Variants in MCC observed in about 807,000 individuals in gnomAD.
The protein encoded by MCC is MCC regulator of Wnt signaling pathway.
Under a neutral mutation model 116.2 loss-of-function variants are expected in MCC, and 90 were observed. The ratio of observed to expected loss-of-function variants is 0.77; its 90% confidence interval spans 0.65 to 0.92. MCC has a LOEUF of 0.92. Ranked by LOEUF, MCC falls within the 40% of genes least tolerant of loss-of-function variation. The pLI is 0.00. For synonymous variants in MCC, 578 were observed against 510.5 expected (o/e 1.13, Z -1.78); for missense variants, 1,516 against 1,312.2 (o/e 1.16, Z -2.40).
At chr5:113,063,924 T>C in intron 14 of MCC, 60 bp downstream of exon 14, 1 of 1,528,628 alleles carries the variant, frequency 6.5e-7, no homozygotes. Flanking sequence ...GCACACCAAG[T>C]CCAGTGAACA....
rs1292748419 is a variant in MCC, at chr5:113,413,751, T to G, written c.171-28539A>C. Among the ~76,000 whole-genome samples, 6 of 152,264 alleles carry G rather than the reference T, an allele frequency of 3.9e-5. No homozygotes were observed. The East Asian group carries it at 9.6e-4, about 24-fold the overall frequency. On this transcript the variant is annotated intron_variant, in intron 1 of 18. Coordinates refer to ENST00000408903, the MANE Select transcript of MCC (RefSeq NM_001085377.2). ...TTGGATTCACTGATTTTTGAAGGGT[T>G]TTTTTGTGTCTCTATCTCCTTCAGT...
intron 8 of MCC, among the ~76,000 whole-genome samples, chr5:113,096,629 A>T (rs1433437854): frequency 6.6e-6 from 1 of 152,206 alleles, no homozygotes; most frequent in Non-Finnish European, 1.5e-5. Flanking sequence ...GTCAACAGGC[A>T]GGGCGCAGAA....
intron 13 of MCC, among the ~76,000 whole-genome samples, chr5:113,066,191 A>G (rs960772831): frequency 1.3e-5 from 2 of 152,182 alleles, no homozygotes; most frequent in Non-Finnish European, 1.5e-5. Context: ...TCCTACACCA[A>G]ATAACTGCAC....
intron 1 of MCC, among the ~76,000 whole-genome samples, chr5:113,385,676 G>T (rs770895455): frequency 2.6e-5 from 4 of 152,192 alleles, no homozygotes; most frequent in Non-Finnish European, 5.9e-5. Flanking sequence ...CAGCTTTCTG[G>T]ACCAATCAGC....
At chr5:113,182,758 TC>T (rs1468678825) in intron 3 of MCC, among the ~76,000 whole-genome samples, 2 of 152,226 alleles carry the variant, frequency 1.3e-5, no homozygotes, top group African/African-American at 4.8e-5. Flanking sequence ...TTTATCTACT[TC>T]CGGTGCCTCG....
At chr5:113,068,413 A>C (rs763608786) in intron 12 of MCC, among the ~76,000 whole-genome samples, 7 of 152,202 alleles carry the variant, frequency 4.6e-5, no homozygotes, top group Non-Finnish European at 1.5e-5. Flanking sequence ...CAAGAGAAAC[A>C]ATAAAGGTGG....
chr5:113,385,696 T>C (rs1241778358), intron 1 of MCC, among the ~76,000 whole-genome samples: 1 of 152,204 alleles, frequency 6.6e-6, no homozygotes, highest in Admixed American at 6.6e-5. Context: ...CTAACTTTAG[T>C]ACTTGTTTAA....
intron 6 of MCC, among the ~76,000 whole-genome samples, chr5:113,121,430 T>G (rs186910458): frequency 6.6e-6 from 1 of 152,186 alleles, no homozygotes; most frequent in Non-Finnish European, 1.5e-5. Flanking sequence ...CACACCTCTG[T>G]GTCCTCCATC....
chr5:113,406,232 C>A (rs1769830584), intron 1 of MCC, among the ~76,000 whole-genome samples: 1 of 152,226 alleles, frequency 6.6e-6, no homozygotes, highest in Non-Finnish European at 1.5e-5. Context: ...AACAAATCTT[C>A]TTCTCTGTAA....
chr5:113,293,306 A>T (rs1234259482), intron 3 of MCC, among the ~76,000 whole-genome samples: 1 of 151,460 alleles, frequency 6.6e-6, no homozygotes, highest in Non-Finnish European at 1.5e-5. Context: ...GTCTGACATC[A>T]CCATTATCTG....
intron 3 of MCC, among the ~76,000 whole-genome samples, chr5:113,266,315 A>C (rs1046077832): frequency 6.6e-6 from 1 of 152,060 alleles, no homozygotes; most frequent in African/African-American, 2.4e-5. Flanking sequence ...AAAAATTCAG[A>C]CTAGATATTC....
At chr5:113,476,600 T>C (rs557201327) in intron 1 of MCC, among the ~76,000 whole-genome samples, 2 of 152,274 alleles carry the variant, frequency 1.3e-5, no homozygotes, top group East Asian at 3.9e-4. Flanking sequence ...GAAGAAAACA[T>C]TTAAATTATT....
intron 1 of MCC, among the ~76,000 whole-genome samples, chr5:113,416,969 C>CTTT (rs148628081): frequency 2.0e-4 from 25 of 122,512 alleles, no homozygotes; most frequent in African/African-American, 4.3e-4. Flanking sequence ...TGTGAATTGC[C>CTTT]TTTTTTTTTT....
intron 2 of MCC, among the ~76,000 whole-genome samples, chr5:113,347,087 G>C (rs1222187562): frequency 6.6e-6 from 1 of 152,110 alleles, no homozygotes; most frequent in African/African-American, 2.4e-5. Flanking sequence ...AAATGCTAAA[G>C]GATATTCTTT....
chr5:113,186,649 A>G (rs1454741444), intron 3 of MCC, among the ~76,000 whole-genome samples: 1 of 152,224 alleles, frequency 6.6e-6, no homozygotes, highest in Non-Finnish European at 1.5e-5. Flanking sequence ...CACATATATT[A>G]GAGAATAAAG....
intron 1 of MCC, chr5:113,432,783 C>T (rs1770701891): frequency 6.6e-6 from 1 of 152,142 alleles, no homozygotes; most frequent in Non-Finnish European, 1.5e-5. Context: ...AAAACATTTT[C>T]CTTTGTAAAA....
At chr5:113,440,810 G>A (rs547070846) in intron 1 of MCC, among the ~76,000 whole-genome samples, 7 of 152,184 alleles carry the variant, frequency 4.6e-5, no homozygotes, top group Non-Finnish European at 1.0e-4. Context: ...GAAAGAAATC[G>A]GGGATTATAT....
intron 1 of MCC, among the ~76,000 whole-genome samples, chr5:113,474,700 G>T (rs1201762574): frequency 6.6e-6 from 1 of 152,182 alleles, no homozygotes; most frequent in Non-Finnish European, 1.5e-5. Flanking sequence ...TAATAATCCT[G>T]GTTAGAGATG....
intron 3 of MCC, among the ~76,000 whole-genome samples, chr5:113,176,836 C>T (rs1461512225): frequency 6.6e-6 from 1 of 152,110 alleles, no homozygotes; most frequent in Non-Finnish European, 1.5e-5. Flanking sequence ...TGGAAACCAT[C>T]CACTCCTCCC....
Sources: allele counts gnomAD v4.1 joint callset (sites outside exome capture counted in the v4.1 genomes callset), GRCh38; gene constraint gnomAD v4.1.1; transcripts MANE v1.5; gene names NCBI Gene and HGNC (gene_info 2026-07-23, HGNC 2026-07-21).